The following KIF18A variants were observed in gnomAD, a reference collection of about 807,000 sequenced individuals.
The protein encoded by KIF18A is kinesin family member 18A.
In KIF18A, 67 loss-of-function variants were observed where a neutral mutation model predicts 103.3. The observed-to-expected ratio is 0.65, with a 90% CI of 0.53 to 0.79. The LOEUF (loss-of-function observed/expected upper bound fraction) is 0.79, where lower values mean the gene tolerates loss of function less well. Ranked by LOEUF, KIF18A falls within the 30% of genes least tolerant of loss-of-function variation. The pLI is 0.00. For synonymous variants in KIF18A, 367 were observed against 355.5 expected (o/e 1.03, Z -0.36); for missense variants, 1,032 against 1,062.5 (o/e 0.97, Z 0.40).
intron 13 of KIF18A, 48 bp from the exon 14 acceptor site, chr11:28,036,712 T>G (rs1229755215): frequency 1.7e-6 from 2 of 1,184,222 alleles, no homozygotes; most frequent in Admixed American, 2.5e-5. Context: ...TCCTAGTTTT[T>G]TAAATAACCC....
At chr11:28,059,255 A>G in intron 12 of KIF18A, 94 bp from the exon 13 acceptor site, 1 of 842,628 alleles carries the variant, frequency 1.2e-6, no homozygotes, top group Non-Finnish European at 1.9e-6. Context: ...GCATTAGCAT[A>G]TCATTAAAAT....
chr11:28,080,312 C>A (rs1724085766), intron 9 of KIF18A, among the ~76,000 whole-genome samples: 1 of 150,202 alleles, frequency 6.7e-6, no homozygotes, highest in Non-Finnish European at 1.5e-5. Flanking sequence ...AATATATATA[C>A]AGGCATACCT....
At chr11:28,098,134 T>TACGTAGGCACACACAAC (rs1851399487) in intron 1 of KIF18A, 141 bp from the exon 2 acceptor site, 2 of 529,310 alleles carry the variant, frequency 3.8e-6, no homozygotes, top group Non-Finnish European at 6.6e-6. Flanking sequence ...AATACATACA[T>TACGTAGGCACACACAAC]ACGTAGGCAC....
chr11:28,036,463 G>A lies in KIF18A; in HGVS notation c.2150C>T (p.Pro717Leu), dbSNP rs150184870. The change falls in exon 14 of 17, where the codon CCG becomes CTG. Residue 717 changes from proline (P) to leucine (L), a missense_variant. By Grantham distance (98) the Pro-to-Leu change is moderately conservative. Transcript: ENST00000263181. ...PEDCRKAFQN[P>L]STVTLMKPSS... ...TGGTTTCATTAAGGTTACTGTAGAC[G>A]GATTTTGAAAAGCTTTTCTACAGTC... The A allele has an allele frequency of 5.8e-5, 94 of 1,610,744 alleles. No individual in the cohort carries two copies. The African/African-American group carries it at 6.3e-4, about 11-fold the overall frequency.
chr11:28,038,264 A>G (rs890769578), intron 13 of KIF18A, among the ~76,000 whole-genome samples: 1 of 151,668 alleles, frequency 6.6e-6, no homozygotes, highest in Non-Finnish European at 1.5e-5. Context: ...ATTTAAAAAC[A>G]CAAACATCTG....
chr11:28,089,509 T>C (rs1404825430), intron 5 of KIF18A, among the ~76,000 whole-genome samples: 2 of 152,202 alleles, frequency 1.3e-5, no homozygotes, highest in Non-Finnish European at 2.9e-5. Flanking sequence ...TGACTGGCAG[T>C]GCAGGTTCGT....
rs140691304 is a variant in KIF18A, at chr11:28,075,648, G to A, written c.1425+1359C>T. Among the ~76,000 whole-genome samples, 137 of 152,050 alleles carry A rather than the reference G, an allele frequency of 9.0e-4. 1 individual carries two copies. The highest frequency in any genetic ancestry group is 3.3e-3 in the African/African-American group (136 of 41,498). ...ATTGCTCTAGTATCTAAAGATTTGG[G>A]AGTTCTGTCATATTTGCTAAGAGTA... On this transcript the variant is annotated intron_variant, in intron 10 of 16. Transcript: ENST00000263181.
In KIF18A at chr11:28,094,711, G is replaced by A; in HGVS notation, c.415C>T (p.His139Tyr). 6.2e-7 allele frequency: 1 copy of A among 1,612,746 alleles called. No individual in the cohort carries two copies. Among genetic ancestry groups the A allele is most frequent in the Non-Finnish European group, 8.5e-7 (1 of 1,178,828 alleles). Residue 139 changes from histidine (H) to tyrosine (Y), a missense_variant, in exon 3 of 17, where the codon CAC (histidine) becomes TAC (tyrosine). His to Tyr is a moderately conservative substitution (Grantham distance 83, BLOSUM62 2). Coordinates refer to ENST00000263181, the MANE Select transcript of KIF18A (RefSeq NM_031217.4). ...EPGVMYLTML[H>Y]LYKCMDEIKE... ...ATCTCATCCATGCATTTGTAAAGGTGTAACATTGTTAGATACATCACTCCA... is the reference window on the plus strand; with the variant it reads ...ATCTCATCCATGCATTTGTAAAGGTATAACATTGTTAGATACATCACTCCA...
Position 28,088,855 on chromosome 11 carries a change from T to C in KIF18A, c.700-134A>G, listed in dbSNP as rs548230213. The stretch of plus-strand genomic sequence containing the variant: ...AACAACTGAACAAGGTATAATCTAA[T>C]TGATATTTAAGAGCACTATAAGTAA... On this transcript the variant is annotated intron_variant, in intron 5 of 16. Coordinates refer to ENST00000263181, the MANE Select transcript of KIF18A (RefSeq NM_031217.4). 2.3e-4 allele frequency: 164 copies of C among 698,030 alleles called. No homozygotes were observed. The African/African-American group carries it at 2.7e-3, about 11-fold the overall frequency. The allele number at this position is 698,030 out of a possible 1,614,324, so 43.2% of individuals were successfully genotyped here.
intron 11 of KIF18A, among the ~76,000 whole-genome samples, chr11:28,065,269 T>G (rs1241060852): frequency 6.6e-6 from 1 of 152,082 alleles, no homozygotes; most frequent in African/African-American, 2.4e-5. Context: ...TGTCTCAATT[T>G]GCTTATGTAA....
rs60204007 is a variant in KIF18A, at chr11:28,047,056, GA to G, written c.1949-10393del. ...GCAACAAGAGCAACACTTCGTCTCA[GA>G]AAAAAAAAAAAAAAAAAAAAAGAGA... On this transcript the variant is annotated intron_variant, in intron 13 of 16. Transcript: ENST00000263181. Among the ~76,000 whole-genome samples, 370 of 71,146 alleles carry G rather than the reference GA, an allele frequency of 5.2e-3. 1 individual carries two copies. The East Asian group carries it at 0.082, about 16-fold the overall frequency. 46.7% of individuals were successfully genotyped at this position (71,146 alleles called of 152,430 possible).
intron 13 of KIF18A, 29 bp from the exon 14 acceptor site, chr11:28,036,693 GATA>G (rs759814640): frequency 2.2e-6 from 3 of 1,385,072 alleles, no homozygotes; most frequent in Non-Finnish European, 2.9e-6. Context: ...AAAGACACTC[GATA>G]ATGTTTCCTA....
intron 3 of KIF18A, among the ~76,000 whole-genome samples, chr11:28,092,124 A>G (rs1218874830): frequency 6.6e-6 from 1 of 151,942 alleles, no homozygotes; most frequent in African/African-American, 2.4e-5. Context: ...CCATTTTCTT[A>G]TTTTCAGGAA....
At chr11:28,054,995 A>C (rs1370868276) in intron 13 of KIF18A, among the ~76,000 whole-genome samples, 1 of 152,162 alleles carries the variant, frequency 6.6e-6, no homozygotes, top group African/African-American at 2.4e-5. Context: ...AGTATTTCTC[A>C]ATCTTGGTGT....
intron 10 of KIF18A, among the ~76,000 whole-genome samples, chr11:28,073,260 T>C (rs866834980): frequency 1.7e-4 from 26 of 152,068 alleles, no homozygotes; most frequent in South Asian, 2.1e-4. Context: ...AGTATAGTTA[T>C]GCATTTCTAC....
intron 15 of KIF18A, among the ~76,000 whole-genome samples, chr11:28,028,503 A>C (rs1322780168): frequency 1.3e-5 from 2 of 152,178 alleles, no homozygotes; most frequent in African/African-American, 4.8e-5. Flanking sequence ...ATGACATACC[A>C]GAATCTCTGG....
rs1851339089 is a variant in KIF18A, at chr11:28,094,304, A to G, written c.483+339T>C. ...GTACCTATTTAGCAGTTATTTTTAA[A>G]AAGTCCTGTTTTTACAAGTCTGCAA... On this transcript the variant is annotated intron_variant, in intron 3 of 16. Coordinates refer to ENST00000263181, the MANE Select transcript of KIF18A (RefSeq NM_031217.4). Among the ~76,000 whole-genome samples, 3 of 152,140 alleles carry G rather than the reference A, an allele frequency of 2.0e-5. No homozygotes were observed. In the South Asian group the frequency reaches 6.2e-4, roughly 32 times the overall value.
At chr11:28,063,125 T>C (rs1703564061) in intron 11 of KIF18A, among the ~76,000 whole-genome samples, 1 of 152,052 alleles carries the variant, frequency 6.6e-6, no homozygotes, top group African/African-American at 2.4e-5. Context: ...TTTGGTTGGA[T>C]GACATGGTTA....
At chr11:28,086,916 C>G (rs1429456699) in intron 6 of KIF18A, among the ~76,000 whole-genome samples, 2 of 151,988 alleles carry the variant, frequency 1.3e-5, no homozygotes, top group Non-Finnish European at 2.9e-5. Flanking sequence ...GATTTTAACT[C>G]AGAATATAAA....
Sources: allele counts gnomAD v4.1 joint callset (sites outside exome capture counted in the v4.1 genomes callset), GRCh38; gene constraint gnomAD v4.1.1; transcripts MANE v1.5; gene names NCBI Gene and HGNC (gene_info 2026-07-23, HGNC 2026-07-21).